SLC2A9: variants seen among roughly 807,000 people sequenced by gnomAD.
SLC2A9 encodes the protein solute carrier family 2, facilitated glucose transporter member 9.
In SLC2A9, 39 loss-of-function variants were observed where a neutral mutation model predicts 50.6. The observed-to-expected ratio is 0.77, with a 90% CI of 0.60 to 1.01. SLC2A9 has a LOEUF of 1.01. Among genes scored for constraint, SLC2A9 ranks in the 50% least tolerant of loss-of-function variants. SLC2A9 has a pLI of 0.00. For missense variants in SLC2A9, 686 were observed against 677.6 expected, an observed-to-expected ratio of 1.01 and a Z score of -0.14; for synonymous variants, 324 against 276.9, an observed-to-expected ratio of 1.17 and a Z score of -1.69.
upstream of SLC2A9, among the ~76,000 whole-genome samples, chr4:10,022,519 C>T (rs577735598): frequency 6.6e-6 from 1 of 152,320 alleles, no homozygotes; most frequent in African/African-American, 2.4e-5. Context: ...ATCACATGGC[C>T]ATGTTGCCTC....
Position 9,908,286 on chromosome 4 carries a change from T to C in SLC2A9, c.1062A>G (p.Pro354=). 1 of 1,614,150 alleles carries C rather than the reference T, an allele frequency of 6.2e-7. No individual in the cohort carries two copies. Among genetic ancestry groups the C allele is most frequent in the Non-Finnish European group, 8.5e-7 (1 of 1,179,976 alleles). The part of the protein sequence containing the change: ...GKAGIPPAKI[P]YVTLSTGGIE... The stretch of plus-strand genomic sequence containing the variant: ...TGCCCCCTGTACTCAAGGTGACGTA[T>C]GGGATCTTTGCCGGAGGGATCCCAG... Residue 354 remains proline, a synonymous_variant, in exon 8 of 12, where the codon CCA becomes CCG. Coordinates refer to ENST00000264784, the MANE Select transcript of SLC2A9 (RefSeq NM_020041.3).
At chr4:9,920,834 G>A (rs931261203) in intron 6 of SLC2A9, among the ~76,000 whole-genome samples, 14 of 152,204 alleles carry the variant, frequency 9.2e-5, no homozygotes, top group African/African-American at 1.9e-4. Context: ...TTGACTGTCC[G>A]CAACGCAAGG....
chr4:9,794,507 G>T (rs183117258), downstream of SLC2A9, among the ~76,000 whole-genome samples: 55 of 152,280 alleles, frequency 3.6e-4, no homozygotes, highest in African/African-American at 1.2e-3. Context: ...TCACCATACA[G>T]CTAAAGGTGC....
chr4:9,902,266 C>T (rs1739775824), intron 8 of SLC2A9, among the ~76,000 whole-genome samples: 1 of 152,168 alleles, frequency 6.6e-6, no homozygotes, highest in Non-Finnish European at 1.5e-5. Flanking sequence ...GTCTGTGACC[C>T]CATGAGGAGC....
At chr4:9,941,644 G>T (rs1382878011) in intron 6 of SLC2A9, among the ~76,000 whole-genome samples, 1 of 152,226 alleles carries the variant, frequency 6.6e-6, no homozygotes, top group African/African-American at 2.4e-5. Flanking sequence ...CTGCACAGAA[G>T]TGAGGGAACC....
At position 10,036,934 on chromosome 4, in the gene SLC2A9, G is replaced by A. The variant is rs139002955; in HGVS notation, c.-41+3196C>T. On this transcript the variant is annotated intron_variant, in intron 1 of 12. Transcript: ENST00000309065. ...TGGCCCACCGCTCCTCCTTGGGCTT[G>A]CTAAGGAGCAAGCGGGGCCTCTAGA... 2.5e-3 allele frequency among the ~76,000 whole-genome samples: 382 copies of A among 152,282 alleles called. 6 individuals are homozygous for A. The highest frequency in any genetic ancestry group is 9.0e-3 in the African/African-American group (373 of 41,534).
rs568930300 is a variant in SLC2A9, at chr4:9,833,616, T to G, written c.1419+1265A>C. 2.0e-5 allele frequency among the ~76,000 whole-genome samples: 3 copies of G among 152,270 alleles called. No individual in the cohort carries two copies. The South Asian group carries it at 6.2e-4, about 32-fold the overall frequency. ...GTGAATGCAGGAACAGCCACCATGC[T>G]GGGGTGGCTGGGGCTTGGAGTGCCG... On this transcript the variant is annotated intron_variant, in intron 11 of 11. Coordinates refer to ENST00000264784, the MANE Select transcript of SLC2A9 (RefSeq NM_020041.3).
intron 10 of SLC2A9, among the ~76,000 whole-genome samples, chr4:9,887,313 G>C (rs1404369819): frequency 3.9e-5 from 6 of 152,194 alleles, no homozygotes. Context: ...TCCCGCGTAT[G>C]AACTGCTCTT....
rs535289794 is a variant in SLC2A9 at position 9,845,256 on chromosome 4, G to A, written c.1292-10248C>T. 5.9e-5 allele frequency among the ~76,000 whole-genome samples: 9 copies of A among 151,820 alleles called. No homozygotes were observed. In the South Asian group the frequency reaches 6.2e-4, roughly 11 times the overall value. ...TCTTGATCTCCTGACCTCGTGATCC[G>A]CCTGCCTCGGCCCCCCAAAGTGCTG... On this transcript the variant is annotated intron_variant, in intron 10 of 11. Transcript: ENST00000264784.
intron 10 of SLC2A9, among the ~76,000 whole-genome samples, chr4:9,886,445 T>C: frequency 6.7e-6 from 1 of 149,858 alleles, no homozygotes. Flanking sequence ...TGTGTGTGTG[T>C]GTGTGTGTGT....
At chr4:9,984,897 C>A (rs1756454303) in intron 4 of SLC2A9, among the ~76,000 whole-genome samples, 2 of 152,212 alleles carry the variant, frequency 1.3e-5, no homozygotes, top group South Asian at 2.1e-4. Flanking sequence ...CCGTGGCCTA[C>A]AAGGTCTTAT....
At chr4:9,843,796 A>G (rs1030576022) in intron 10 of SLC2A9, among the ~76,000 whole-genome samples, 3 of 152,188 alleles carry the variant, frequency 2.0e-5, no homozygotes, top group African/African-American at 4.8e-5. Flanking sequence ...AGCATGTTCC[A>G]GGAGAATATT....
chr4:9,780,409 G>A (rs1718174974), intron 3 of SLC2A9, among the ~76,000 whole-genome samples: 1 of 152,136 alleles, frequency 6.6e-6, no homozygotes, highest in African/African-American at 2.4e-5. Context: ...AGATGGTCTT[G>A]CCCTCTCCAG....
rs368593071 is a variant in SLC2A9 at position 9,928,470 on chromosome 4, G to A, written c.815-7898C>T. ...ATCTCAGCTGGGAGCAGTGGCTTTC[G>A]CCTGTAATCCCAGCACTTTGGGAGG... On this transcript the variant is annotated intron_variant, in intron 6 of 11. Coordinates refer to ENST00000264784, the MANE Select transcript of SLC2A9 (RefSeq NM_020041.3). Among the ~76,000 whole-genome samples, 9 of 152,348 alleles carry A rather than the reference G, an allele frequency of 5.9e-5. No individual in the cohort carries two copies. In the South Asian group the frequency reaches 1.0e-3, roughly 18 times the overall value.
chr4:9,833,726 C>T (rs1422586261), intron 11 of SLC2A9, among the ~76,000 whole-genome samples: 1 of 152,156 alleles, frequency 6.6e-6, no homozygotes, highest in Non-Finnish European at 1.5e-5. Flanking sequence ...AGCAGGCGGA[C>T]TTAGAACTGA....
At chr4:9,969,482 C>A (rs1358096983) in intron 5 of SLC2A9, among the ~76,000 whole-genome samples, 1 of 152,190 alleles carries the variant, frequency 6.6e-6, no homozygotes, top group Non-Finnish European at 1.5e-5. Context: ...CTCTTAAATA[C>A]AAGTTTCAAA....
chr4:9,872,280 G>T (rs1423718349), intron 10 of SLC2A9, among the ~76,000 whole-genome samples: 1 of 152,216 alleles, frequency 6.6e-6, no homozygotes, highest in Non-Finnish European at 1.5e-5. Context: ...TTGGGGCAGG[G>T]TGCAGTGGGA....
chr4:9,939,439 G>T (rs1747720004), intron 6 of SLC2A9, among the ~76,000 whole-genome samples: 1 of 152,190 alleles, frequency 6.6e-6, no homozygotes, highest in Admixed American at 6.5e-5. Context: ...TCAACAGACT[G>T]GAGAAGGGGT....
intron 10 of SLC2A9, among the ~76,000 whole-genome samples, chr4:9,880,993 C>T (rs979702195): frequency 1.3e-5 from 2 of 152,220 alleles, no homozygotes; most frequent in Non-Finnish European, 2.9e-5. Context: ...CTTAGTGCAA[C>T]AGCCAAGACG....
Sources: allele counts gnomAD v4.1 joint callset (sites outside exome capture counted in the v4.1 genomes callset), GRCh38; gene constraint gnomAD v4.1.1; transcripts MANE v1.5; gene names NCBI Gene and HGNC (gene_info 2026-07-23, HGNC 2026-07-21).